NRBP1: variants seen among roughly 807,000 people sequenced by gnomAD.
NRBP1 encodes the protein nuclear receptor-binding protein.
Under a neutral mutation model 76.0 loss-of-function variants are expected in NRBP1, and 10 were observed. The observed-to-expected ratio is 0.13, with a 90% CI of 0.08 to 0.22. NRBP1 has a LOEUF of 0.22. Ranked by LOEUF, NRBP1 falls within the 10% of genes least tolerant of loss-of-function variation. The probability of loss-of-function intolerance (pLI) is 1.00; values close to 1 mark genes in which losing one functional copy is unlikely to be tolerated. For missense variants in NRBP1, 344 were observed against 646.0 expected, an observed-to-expected ratio of 0.53 and a Z score of 5.07; for synonymous variants, 235 against 240.2, an observed-to-expected ratio of 0.98 and a Z score of 0.20.
intron 11 of NRBP1, 53 bp downstream of exon 11, chr2:27,439,951 C>T: frequency 7.5e-7 from 1 of 1,334,348 alleles, no homozygotes; most frequent in Non-Finnish European, 1.0e-6. Context: ...AGCCCTGTAA[C>T]TATCACTGGC....
At position 27,441,762 on chromosome 2, in the gene NRBP1, T is replaced by C; in HGVS notation, c.1558T>C (p.Phe520Leu). 2 of 1,614,030 alleles carry C rather than the reference T, an allele frequency of 1.2e-6. No individual in the cohort carries two copies. Among genetic ancestry groups the C allele is most frequent in the Non-Finnish European group, 1.7e-6 (2 of 1,179,948 alleles). The stretch of plus-strand genomic sequence containing the variant: ...AGAAGAGACCTTGAACAAGTTCAAT[T>C]TTGCCAGGAACAGTACCCTCAACTC... The part of the protein sequence containing the change: ...LLEETLNKFN[F>L]ARNSTLNSAA... The change falls in exon 18 of 18, where the codon TTT (phenylalanine) becomes CTT (leucine). Residue 520 changes from phenylalanine (F) to leucine (L), a missense_variant. Around this residue, in one of 3 missense-constraint regions of NRBP1, gnomAD observed 218 missense variants for 309.8 expected, o/e 0.70. Coordinates refer to ENST00000379852, the MANE Select transcript of NRBP1 (RefSeq NM_013392.4).
chr2:27,440,986 G>A lies in NRBP1; in HGVS notation c.1329+46G>A, dbSNP rs751228438. 9.9e-6 allele frequency: 16 copies of A among 1,611,896 alleles called. No individual in the cohort carries two copies. The South Asian group carries it at 1.8e-4, about 18-fold the overall frequency. ...GATTGTCTCCATGGTTGTGGTGGAA[G>A]GGAGAGAGGACATCTCAAATAAGGC... On this transcript the variant is annotated intron_variant, in intron 14 of 17. Coordinates refer to ENST00000379852, the MANE Select transcript of NRBP1 (RefSeq NM_013392.4).
At position 27,440,700 on chromosome 2, in the gene NRBP1, C is replaced by T; in HGVS notation, c.1191C>T (p.Val397=). ...ALELDKFLED[V]RNGIYPLTAF... ...AATTAGATAAATTCCTTGAAGATGT[C>T]AGGTGAGAGCAGAGTGAGAAGCAGG... Residue 397 remains valine (V), a splice_region_variant and synonymous_variant, in exon 13 of 18, where the codon GTC becomes GTT. Coordinates refer to ENST00000379852, the MANE Select transcript of NRBP1 (RefSeq NM_013392.4). 6.2e-7 allele frequency: 1 copy of T among 1,614,170 alleles called. No individual in the cohort carries two copies. Among genetic ancestry groups the T allele is most frequent in the Non-Finnish European group, 8.5e-7 (1 of 1,180,024 alleles).
intron 10 of NRBP1, 98 bp from the exon 11 acceptor site, chr2:27,439,668 A>C: frequency 7.1e-7 from 1 of 1,399,098 alleles, no homozygotes; most frequent in South Asian, 1.3e-5. Flanking sequence ...AGCACCTACT[A>C]TGTACAAAGC....
intron 7 of NRBP1, chr2:27,435,677 C>T: frequency 1.4e-6 from 1 of 717,672 alleles, no homozygotes; most frequent in Non-Finnish European, 2.6e-6. Context: ...CACAACTTTT[C>T]TCTGTTTTCC....
chr2:27,436,258 A>G (rs1664301909), intron 7 of NRBP1: 1 of 206,430 alleles, frequency 4.8e-6, no homozygotes, highest in South Asian at 9.0e-5. Flanking sequence ...CCTGAGCTGT[A>G]TGTTAATACT....
chr2:27,434,675 T>G (rs759573998), intron 5 of NRBP1, 47 bp from the exon 6 acceptor site: 10 of 1,611,386 alleles, frequency 6.2e-6, no homozygotes, highest in Non-Finnish European at 7.6e-6. Context: ...TGGGAGAGAG[T>G]TAAGAGAGGG....
rs764155385 is a variant in NRBP1 at position 27,441,829 on chromosome 2, G to T, written c.*17G>T. 10 of 1,514,146 alleles carry T rather than the reference G, an allele frequency of 6.6e-6. No homozygotes were observed. The highest frequency in any genetic ancestry group is 9.2e-6 in the Non-Finnish European group (10 of 1,092,570). The allele number at this position is 1,514,146 out of a possible 1,614,324, so 93.8% of individuals were successfully genotyped here. On this transcript the variant is annotated 3_prime_UTR_variant, in exon 18 of 18. Transcript: ENST00000379852. ...TCCTCTTAGAGCTCACTCGGGCCAG[G>T]CCCTGATCTGCGCTGTGGCTGTCCC...
In NRBP1 at chr2:27,441,720, C is replaced by G. The variant is rs778753969; in HGVS notation, c.1516C>G (p.Arg506Gly). ...TCTTCTCCCCCAGGCTGACCAGAGC[C>G]GGTTGACTTCTCTGCTAGAAGAGAC... ...LGFISEADQSRLTSLLEETLN... is the reference protein window; with the variant it reads ...LGFISEADQSGLTSLLEETLN... Residue 506 changes from arginine (R) to glycine (G), a missense_variant, in exon 18 of 18, where the codon CGG becomes GGG. Transcript: ENST00000379852. 1.2e-6 allele frequency: 2 copies of G among 1,613,728 alleles called. No individual in the cohort carries two copies. The highest frequency in any genetic ancestry group is 2.2e-5 in the South Asian group (2 of 91,070).
At chr2:27,441,040 C>T in intron 14 of NRBP1, 87 bp from the exon 15 acceptor site, 1 of 1,607,184 alleles carries the variant, frequency 6.2e-7, no homozygotes, top group Non-Finnish European at 8.5e-7. Context: ...TGCTCCCTAG[C>T]AGCCATGCCC....
chr2:27,437,945 G>C lies in NRBP1; in HGVS notation c.903+585G>C, dbSNP rs532300170. Among the ~76,000 whole-genome samples, 5 of 151,954 alleles carry C rather than the reference G, an allele frequency of 3.3e-5. 1 individual carries two copies. The South Asian group carries it at 1.0e-3, about 32-fold the overall frequency. The stretch of plus-strand genomic sequence containing the variant: ...CTCACACCTGTAATCCCAGCACTTT[G>C]AGAGGCTGAGGCGGGTGGATCACTT... On this transcript the variant is annotated intron_variant, in intron 10 of 17. Coordinates refer to ENST00000379852, the MANE Select transcript of NRBP1 (RefSeq NM_013392.4).
Position 27,440,691 on chromosome 2 carries a change from T to G in NRBP1, c.1182T>G (p.Leu394=), listed in dbSNP as rs1664506052. 6.2e-7 allele frequency: 1 copy of G among 1,614,230 alleles called. No individual in the cohort carries two copies. The highest frequency in any genetic ancestry group is 8.5e-7 in the Non-Finnish European group (1 of 1,180,024). The change falls in exon 13 of 18, where the codon CTT becomes CTG. Residue 394 remains leucine (L), a synonymous_variant. Coordinates refer to ENST00000379852, the MANE Select transcript of NRBP1 (RefSeq NM_013392.4). ...CAGCTCTGGAATTAGATAAATTCCTTGAAGATGTCAGGTGAGAGCAGAGTG... is the reference window on the plus strand; with the variant it reads ...CAGCTCTGGAATTAGATAAATTCCTGGAAGATGTCAGGTGAGAGCAGAGTG... ...QSPALELDKF[L]EDVRNGIYPL... is the part of the protein sequence containing the mutation.
In NRBP1 at chr2:27,439,802, C is replaced by G. The variant is rs536923313; in HGVS notation, c.940C>G (p.Arg314Gly). The G allele has an allele frequency of 2.3e-5, 37 of 1,614,074 alleles. No individual in the cohort carries two copies. In the South Asian group the frequency reaches 3.8e-4, roughly 17 times the overall value. ...AAAGTGCCTGCAGTCTGAGCCTGCT[C>G]GCAGACCAACAGCCAGAGAACTTCT... is the stretch of plus-strand genomic sequence containing the variant. ...IQKCLQSEPA[R>G]RPTARELLFH... The change falls in exon 11 of 18, where the codon CGC becomes GGC. Residue 314 changes from arginine to glycine, a missense_variant. This residue lies in a region of NRBP1 where 218 missense variants were observed against 309.8 expected (regional missense o/e 0.70). Coordinates refer to ENST00000379852, the MANE Select transcript of NRBP1 (RefSeq NM_013392.4).
intron 7 of NRBP1, 71 bp downstream of exon 7, chr2:27,435,298 A>G: frequency 2.2e-6 from 3 of 1,342,994 alleles, no homozygotes; most frequent in Admixed American, 3.5e-5. Flanking sequence ...AGATGAAAGG[A>G]ATGGGGGATA....
upstream of NRBP1, chr2:27,428,485 G>C (rs1018094875): frequency 1.0e-5 from 4 of 394,244 alleles, no homozygotes; most frequent in African/African-American, 8.3e-5. Flanking sequence ...ACCGGCGCAA[G>C]GGGAGGAGAG....
chr2:27,436,999 C>G (rs201739806), intron 8 of NRBP1, 48 bp from the exon 9 acceptor site: 72 of 1,576,892 alleles, frequency 4.6e-5, no homozygotes, highest in Non-Finnish European at 6.1e-5. Context: ...CCTGCCAACC[C>G]TAGCCCCCAA....
chr2:27,433,283 G>C lies in NRBP1; in HGVS notation c.10G>C (p.Gly4Arg), dbSNP rs1313458435. 1.9e-6 allele frequency: 3 copies of C among 1,613,732 alleles called. No homozygotes were observed. Residue 4 changes from glycine (G) to arginine (R), a missense_variant, in exon 2 of 18, where the codon GGG (glycine) becomes CGG (arginine). Gly to Arg is a moderately radical substitution (Grantham distance 125, BLOSUM62 -2). Coordinates refer to ENST00000379852, the MANE Select transcript of NRBP1 (RefSeq NM_013392.4). MSEGESQTVLSSGS... is the reference protein window; with the variant it reads MSERESQTVLSSGS... ...GAGTGTTCCTTCCAGCATGTCGGAG[G>C]GGGAGTCCCAGACAGTACTTAGCAG...
chr2:27,440,184 G>A (rs1664479992), intron 11 of NRBP1: 1 of 560,064 alleles, frequency 1.8e-6, no homozygotes, highest in Non-Finnish European at 3.2e-6. Context: ...GGTAATTTTT[G>A]TACTTTTAGT....
At position 27,437,123 on chromosome 2, in the gene NRBP1, G is replaced by A; in HGVS notation, c.804+18G>A. ...CACTGGAGGTGAGGGGACTGGAGGG[G>A]AGGGGGGAAAGGGGTCAGATGAGAA... is the stretch of plus-strand genomic sequence containing the variant. On this transcript the variant is annotated intron_variant, in intron 9 of 17. Transcript: ENST00000379852. 1.2e-6 allele frequency: 2 copies of A among 1,611,660 alleles called. No homozygotes were observed. The highest frequency in any genetic ancestry group is 1.3e-5 in the African/African-American group (1 of 74,958).
Sources: gnomAD v4.1 joint callset for allele counts (sites outside exome capture counted in the v4.1 genomes callset) on GRCh38, gnomAD v4.1.1 for gene constraint, gnomAD v4.1.1 regional missense constraint, MANE v1.5 for transcripts, NCBI Gene and HGNC (gene_info 2026-07-23, HGNC 2026-07-21) for gene names.